The following CEP41 variants were observed in gnomAD, a reference collection of about 807,000 sequenced individuals.
The protein encoded by CEP41 is centrosomal protein 41, also known as centrosomal protein of 41 kDa.
In CEP41, 32 loss-of-function variants were observed where a neutral mutation model predicts 44.3. The ratio of observed to expected loss-of-function variants is 0.72; its 90% CI spans 0.54 to 0.97. The LOEUF (loss-of-function observed/expected upper bound fraction) is 0.97. CEP41 is among the 50% of genes least tolerant of loss of function. The pLI is 0.00. For missense variants in CEP41, 432 were observed against 455.2 expected (o/e 0.95, Z 0.46); for synonymous variants, 151 against 168.5 (o/e 0.90, Z 0.80).
In CEP41 at chr7:130,412,249, T is replaced by C. The variant is rs372039618; in HGVS notation, c.146-9A>G. 8 of 1,353,004 alleles carry C rather than the reference T, an allele frequency of 5.9e-6. No homozygotes were observed. The highest frequency in any genetic ancestry group is 7.4e-6 in the Non-Finnish European group (7 of 942,294). The allele number at this position is 1,353,004 out of a possible 1,614,324, so 83.8% of individuals were successfully genotyped here. A position where few individuals can be genotyped will look rare whatever the true frequency, so the allele number is the denominator to read the frequency against. ...TTTTTTGTATCTATAATCTGAAAAA[T>C]ATGGTAAGACAAGTATTTATCTATT... On this transcript the variant is annotated splice_polypyrimidine_tract_variant and intron_variant, in intron 3 of 10. Transcript: ENST00000223208.
intron 1 of CEP41, among the ~76,000 whole-genome samples, chr7:130,429,000 T>C (rs1017099380): frequency 3.3e-5 from 5 of 152,224 alleles, no homozygotes; most frequent in Admixed American, 1.3e-4. Flanking sequence ...CAGTCCACTG[T>C]TGCAACCCAC....
At chr7:130,430,756 A>AT (rs797027358) in intron 1 of CEP41, among the ~76,000 whole-genome samples, 142 of 151,900 alleles carry the variant, frequency 9.3e-4, no homozygotes, top group Middle Eastern at 3.4e-3. Context: ...TGCACTCTGT[A>AT]TTTTTTTTAT....
Position 130,402,692 on chromosome 7 carries a change from T to C in CEP41, c.530A>G (p.Asp177Gly). Residue 177 changes from aspartate to glycine, a missense_variant, in exon 7 of 11, where the codon GAT becomes GGT. Transcript: ENST00000223208. ...PYPDCPFLLLDVRDRDSYQQC... is the reference protein window; with the variant it reads ...PYPDCPFLLLGVRDRDSYQQC... The stretch of plus-strand genomic sequence containing the variant: ...CTGGTAAGAATCTCTATCACGCACA[T>C]CTAGCAGCAGGAAGGGGCAGTCAGG... The C allele has an allele frequency of 1.2e-6, 2 of 1,614,108 alleles. No homozygotes were observed. Among genetic ancestry groups the C allele is most frequent in the Non-Finnish European group, 1.7e-6 (2 of 1,180,008 alleles).
chr7:130,396,400 TA>T lies in CEP41; in HGVS notation c.*2490del, dbSNP rs1438352835. 1 of 454,322 alleles carries T rather than the reference TA, an allele frequency of 2.2e-6. No homozygotes were observed. The highest frequency in any genetic ancestry group is 2.0e-5 in the African/African-American group (1 of 50,012). 28.1% of individuals were successfully genotyped at this position (454,322 alleles called of 1,614,324 possible). A position where few individuals can be genotyped will look rare whatever the true frequency, so the allele number is the denominator to read the frequency against. ...AATTGGACTGATTTCCTGATTCATT[TA>T]TTTTTTTTAAAAAATGCTTTCCTAG... On this transcript the variant is annotated 3_prime_UTR_variant, in exon 11 of 11. Coordinates refer to ENST00000223208, the MANE Select transcript of CEP41 (RefSeq NM_018718.3).
Position 130,411,015 on chromosome 7 carries a change from T to C in CEP41, c.277+107A>G, listed in dbSNP as rs1364421285. On this transcript the variant is annotated intron_variant, in intron 5 of 10. Transcript: ENST00000223208. The stretch of plus-strand genomic sequence containing the variant: ...GAGTAACAATCTAATTACAAATAGA[T>C]ACATCAAAGTCCCAGTCCCTGGGAA... The C allele has an allele frequency of 2.8e-5, 26 of 915,504 alleles. No individual in the cohort carries two copies. In the African/African-American group the frequency reaches 4.1e-4, roughly 14 times the overall value. 56.7% of individuals were successfully genotyped at this position (915,504 alleles called of 1,614,324 possible).
At chr7:130,428,120 A>C in intron 1 of CEP41, 102 bp from the exon 2 acceptor site, 1 of 822,966 alleles carries the variant, frequency 1.2e-6, no homozygotes, top group Non-Finnish European at 2.1e-6. Context: ...AAGTGCTAAA[A>C]TTTCTTAGAA....
chr7:130,432,002 G>A (rs566680131), intron 1 of CEP41, among the ~76,000 whole-genome samples: 1 of 152,266 alleles, frequency 6.6e-6, no homozygotes, highest in Non-Finnish European at 1.5e-5. Context: ...GAGGCCAGGG[G>A]TGCTGCTAAA....
chr7:130,398,737 G>T lies in CEP41; in HGVS notation c.*154C>A. ...TTCCTGAGGTGGCCTCCTGAGGGGAGAGGAACTGGAGACAGGGACAGGGAA... is the reference window on the plus strand; with the variant it reads ...TTCCTGAGGTGGCCTCCTGAGGGGATAGGAACTGGAGACAGGGACAGGGAA... On this transcript the variant is annotated 3_prime_UTR_variant, in exon 11 of 11. Transcript: ENST00000223208. 2.1e-6 allele frequency: 2 copies of T among 942,884 alleles called. No homozygotes were observed. The highest frequency in any genetic ancestry group is 3.4e-6 in the Non-Finnish European group (2 of 580,904). 58.4% of individuals were successfully genotyped at this position (942,884 alleles called of 1,614,324 possible).
Position 130,402,635 on chromosome 7 carries a change from TTC to T in CEP41, c.574+11_574+12del, listed in dbSNP as rs1584870754. 6.2e-7 allele frequency: 1 copy of T among 1,613,984 alleles called. No homozygotes were observed. Among genetic ancestry groups the T allele is most frequent in the Non-Finnish European group, 8.5e-7 (1 of 1,179,890 alleles). On this transcript the variant is annotated intron_variant, in intron 7 of 10. Coordinates refer to ENST00000223208, the MANE Select transcript of CEP41 (RefSeq NM_018718.3). ...CTTGAGAGTGAGGCACTTTAAAGCC[TTC>T]TCTCTCTTACCTCCAACAATGTGGC...
intron 2 of CEP41, chr7:130,420,990 T>C (rs1048592544): frequency 3.2e-5 from 31 of 982,540 alleles, no homozygotes; most frequent in Non-Finnish European, 3.3e-5. Flanking sequence ...CTCATATTGC[T>C]TCACGACTTA....
At chr7:130,402,878 T>G in intron 6 of CEP41, 79 bp from the exon 7 acceptor site, 1 of 1,401,614 alleles carries the variant, frequency 7.1e-7, no homozygotes, top group African/African-American at 1.4e-5. Context: ...TTCAGAATAG[T>G]GAGGTGAGTG....
rs1364611133 is a variant in CEP41, at chr7:130,400,998, C to G, written c.643-177G>C. On this transcript the variant is annotated intron_variant, in intron 8 of 10. Coordinates refer to ENST00000223208, the MANE Select transcript of CEP41 (RefSeq NM_018718.3). ...ATGGTTTCCCATCATGGAAACCACA[C>G]AAGCTGGTATTCGTTTCTTTTGCAA... 7 of 617,766 alleles carry G rather than the reference C, an allele frequency of 1.1e-5. No homozygotes were observed. In the East Asian group the frequency reaches 1.7e-4, roughly 15 times the overall value. 38.3% of individuals were successfully genotyped at this position (617,766 alleles called of 1,614,324 possible).
intron 2 of CEP41, chr7:130,421,735 T>G: frequency 8.4e-7 from 1 of 1,191,382 alleles, no homozygotes; most frequent in Non-Finnish European, 1.0e-6. Context: ...CTAAAGAAAT[T>G]GGAAATTAGA....
rs1219186829 is a variant in CEP41, at chr7:130,404,573, G to A, written c.413C>T (p.Thr138Ile). 1 of 1,613,852 alleles carries A rather than the reference G, an allele frequency of 6.2e-7. No individual in the cohort carries two copies. Among genetic ancestry groups the A allele is most frequent in the Non-Finnish European group, 8.5e-7 (1 of 1,179,748 alleles). The part of the protein sequence containing the change: ...NAGAGDSSRS[T>I]LQSVISGVGE... ...AATCAGCTTCGAGTACCTCTGAAGA[G>A]TTGAGCGGCTGGAGTCCCCTGCTCC... Residue 138 changes from threonine to isoleucine, a missense_variant, in exon 6 of 11, where the codon ACT becomes ATT. By Grantham distance (89) the Thr-to-Ile change is moderately conservative. Transcript: ENST00000223208.
chr7:130,406,012 G>T (rs369107061), intron 5 of CEP41, among the ~76,000 whole-genome samples: 3 of 152,088 alleles, frequency 2.0e-5, no homozygotes, highest in African/African-American at 7.2e-5. Context: ...AAACAACGAC[G>T]TTCTCAGCAA....
Position 130,394,781 on chromosome 7 carries a change from G to T in CEP41, c.*4110C>A, listed in dbSNP as rs1391138559. ...ATTTATTCATGAACACTTATTAAGG[G>T]CCACTGTCACAGGGTTGGTGATTTT... is the stretch of plus-strand genomic sequence containing the variant. On this transcript the variant is annotated 3_prime_UTR_variant, in exon 11 of 11. Coordinates refer to ENST00000223208, the MANE Select transcript of CEP41 (RefSeq NM_018718.3). The T allele has an allele frequency of 4.4e-6, 2 of 453,950 alleles. No homozygotes were observed. Among genetic ancestry groups the T allele is most frequent in the Non-Finnish European group, 8.8e-6 (2 of 226,800 alleles). The allele number at this position is 453,950 out of a possible 1,614,324, so 28.1% of individuals were successfully genotyped here. A position where few individuals can be genotyped will look rare whatever the true frequency, so the allele number is the denominator to read the frequency against.
chr7:130,410,174 C>T (rs2117600067), intron 5 of CEP41, among the ~76,000 whole-genome samples: 1 of 152,028 alleles, frequency 6.6e-6, no homozygotes, highest in East Asian at 1.9e-4. Context: ...TACAGGTGCA[C>T]ACCACCGTGC....
chr7:130,402,044 T>C (rs1554417062), intron 7 of CEP41, 96 bp from the exon 8 acceptor site: 1 of 837,872 alleles, frequency 1.2e-6, no homozygotes, highest in Non-Finnish European at 2.0e-6. Context: ...GTTAAATACA[T>C]CTTCAAAATC....
At chr7:130,415,571 A>C (rs1797311018) in intron 3 of CEP41, among the ~76,000 whole-genome samples, 2 of 152,230 alleles carry the variant, frequency 1.3e-5, no homozygotes, top group African/African-American at 4.8e-5. Flanking sequence ...TAAGGTTTAG[A>C]TATTAAAGAA....
Sources: allele counts gnomAD v4.1 joint callset (sites outside exome capture counted in the v4.1 genomes callset), GRCh38; gene constraint gnomAD v4.1.1; transcripts MANE v1.5; gene names NCBI Gene and HGNC (gene_info 2026-07-23, HGNC 2026-07-21).